Variants in NUP214 observed in about 807,000 individuals in gnomAD.
NUP214 encodes the protein nuclear pore complex protein Nup214.
In NUP214, 79 loss-of-function variants were observed where a neutral mutation model predicts 196.2. That is an observed-to-expected ratio of 0.40 (90% confidence interval 0.34 to 0.49). The LOEUF is 0.49. NUP214 is among the 20% of genes least tolerant of loss of function. NUP214 has a pLI of 0.58. For missense variants in NUP214, 2,468 were observed against 2,539.0 expected (o/e 0.97, Z 0.60); for synonymous variants, 1,020 against 990.5 (o/e 1.03, Z -0.56).
chr9:131,195,186 T>G (rs769115155), intron 27 of NUP214, 47 bp from the exon 28 acceptor site: 1 of 1,367,030 alleles, frequency 7.3e-7, no homozygotes, highest in South Asian at 1.2e-5. Context: ...AGGGCAATAT[T>G]GTGCCTTGGT....
intron 24 of NUP214, 55 bp downstream of exon 24, chr9:131,178,465 G>T: frequency 7.7e-7 from 1 of 1,303,924 alleles, no homozygotes; most frequent in Non-Finnish European, 1.1e-6. Context: ...AGTAGCGGTG[G>T]ACTGCCTGCA....
At chr9:131,141,396 T>C (rs1831910149) in intron 11 of NUP214, among the ~76,000 whole-genome samples, 1 of 151,614 alleles carries the variant, frequency 6.6e-6, no homozygotes, top group Non-Finnish European at 1.5e-5. Context: ...CTATCCTCCA[T>C]GAAAATGAAT....
chr9:131,221,958 T>A (rs1834570248), intron 31 of NUP214, among the ~76,000 whole-genome samples: 1 of 152,252 alleles, frequency 6.6e-6, no homozygotes, highest in South Asian at 2.1e-4. Flanking sequence ...CTGTCAGGTT[T>A]GCATTTCTTG....
chr9:131,126,693 G>A (rs2133436532), intron 1 of NUP214, among the ~76,000 whole-genome samples: 1 of 151,920 alleles, frequency 6.6e-6, no homozygotes, highest in African/African-American at 2.4e-5. Flanking sequence ...TATTACAGGC[G>A]CCTGCCACCA....
Position 131,187,383 on chromosome 9 carries a change from C to CTTTTT in NUP214, c.3495+36_3495+40dup, listed in dbSNP as rs528695111. On this transcript the variant is annotated intron_variant, in intron 25 of 35. Coordinates refer to ENST00000359428, the MANE Select transcript of NUP214 (RefSeq NM_005085.4). Reference sequence around the variant, plus strand: ...CAAGCAGGTAACTTACTGATTTTTACTTTTTTTTTTTTTTTTTTTTTGAGA... The same window carrying CTTTTT: ...CAAGCAGGTAACTTACTGATTTTTACTTTTTTTTTTTTTTTTTTTTTTTTTTGAGA... 315 of 1,055,854 alleles carry CTTTTT rather than the reference C, an allele frequency of 3.0e-4. No homozygotes were observed. Among genetic ancestry groups the CTTTTT allele is most frequent in the South Asian group, 8.9e-4 (54 of 60,516 alleles). The allele number at this position is 1,055,854 out of a possible 1,614,324, so 65.4% of individuals were successfully genotyped here.
Position 131,165,970 on chromosome 9 carries a change from GTTA to G in NUP214, c.2893+1832_2893+1834del, listed in dbSNP as rs564054809. 2.3e-3 allele frequency among the ~76,000 whole-genome samples: 350 copies of G among 152,248 alleles called. 4 individuals are homozygous for G. Among genetic ancestry groups the G allele is most frequent in the African/African-American group, 8.1e-3 (335 of 41,546 alleles). On this transcript the variant is annotated intron_variant, in intron 21 of 35. Transcript: ENST00000359428. Reference sequence around the variant, plus strand: ...GGACTGAGGTGGGGGGTCATGGGGAGTTATTATTTAATGGGTATAGAGTTTCAG... The same window carrying G: ...GGACTGAGGTGGGGGGTCATGGGGAGTTATTTAATGGGTATAGAGTTTCAG...
rs1457001942 is a variant in NUP214, at chr9:131,197,950, C to T, written c.4456C>T (p.Pro1486Ser). The change falls in exon 29 of 36, where the codon CCT becomes TCT. Residue 1486 changes from proline (P) to serine (S), a missense_variant. Pro to Ser is a moderately conservative substitution (Grantham distance 74). This residue lies in a region of NUP214 where 1,801 missense variants were observed against 1,779.4 expected (regional missense o/e 1.01). Transcript: ENST00000359428. The part of the protein sequence containing the change: ...LLSSATTPSL[P>S]MSAGRSTEEA... Reference sequence around the variant, plus strand: ...GAGTTCAGCAACTACCCCCTCCCTGCCTATGTCCGCTGGCAGAAGCACAGA... The same window carrying T: ...GAGTTCAGCAACTACCCCCTCCCTGTCTATGTCCGCTGGCAGAAGCACAGA... 4.3e-6 allele frequency: 7 copies of T among 1,614,122 alleles called. No individual in the cohort carries two copies. The highest frequency in any genetic ancestry group is 5.9e-6 in the Non-Finnish European group (7 of 1,180,050).
At chr9:131,138,650 A>G (rs1447156519) in intron 9 of NUP214, among the ~76,000 whole-genome samples, 1 of 152,250 alleles carries the variant, frequency 6.6e-6, no homozygotes, top group East Asian at 1.9e-4. Context: ...AACAGAGCCT[A>G]TCCAAGCACA....
chr9:131,134,381 T>C (rs1037489079), intron 7 of NUP214, among the ~76,000 whole-genome samples: 2 of 152,182 alleles, frequency 1.3e-5, no homozygotes, highest in Non-Finnish European at 2.9e-5. Context: ...GGAGGCCAAT[T>C]TGATACTTGA....
chr9:131,150,879 T>G (rs1396907299), intron 16 of NUP214, 114 bp downstream of exon 16: 2 of 1,025,658 alleles, frequency 1.9e-6, no homozygotes, highest in Non-Finnish European at 1.4e-6. Context: ...TGTTGTTGTT[T>G]TTTTAACGTG....
In NUP214 at chr9:131,233,958, C is replaced by A. The variant is rs1166666582; in HGVS notation, c.*471C>A. The A allele has an allele frequency of 3.3e-6, 1 of 307,536 alleles. No individual in the cohort carries two copies. The highest frequency in any genetic ancestry group is 2.1e-5 in the African/African-American group (1 of 47,202). 19.1% of individuals were successfully genotyped at this position (307,536 alleles called of 1,614,324 possible). A position where few individuals can be genotyped will look rare whatever the true frequency, so the allele number is the denominator to read the frequency against. On this transcript the variant is annotated 3_prime_UTR_variant, in exon 36 of 36. Transcript: ENST00000359428. Reference sequence around the variant, plus strand: ...GGCTGAAACTTGGTTATCTCCTCTCCTTGTTCTTTTAGCCATTGTGTATCA... The same window carrying A: ...GGCTGAAACTTGGTTATCTCCTCTCATTGTTCTTTTAGCCATTGTGTATCA...
chr9:131,178,771 T>G (rs1420361161), intron 24 of NUP214, among the ~76,000 whole-genome samples: 1 of 151,820 alleles, frequency 6.6e-6, no homozygotes, highest in African/African-American at 2.4e-5. Flanking sequence ...CAGACTTGAT[T>G]CTGGAAACTG....
intron 34 of NUP214, among the ~76,000 whole-genome samples, 158 bp downstream of exon 34, chr9:131,230,927 A>G (rs911658167): frequency 1.3e-5 from 2 of 152,092 alleles, no homozygotes; most frequent in Non-Finnish European, 2.9e-5. Flanking sequence ...TTGGGAGACC[A>G]AGGCAGGAGG....
intron 16 of NUP214, 70 bp from the exon 17 acceptor site, chr9:131,151,666 T>A (rs1832270208): frequency 1.6e-6 from 2 of 1,258,098 alleles, no homozygotes; most frequent in African/African-American, 3.0e-5. Context: ...AACACCACCT[T>A]CCTTGATCCA....
At chr9:131,219,875 C>T (rs975112995) in intron 31 of NUP214, among the ~76,000 whole-genome samples, 1 of 152,194 alleles carries the variant, frequency 6.6e-6, no homozygotes, top group Non-Finnish European at 1.5e-5. Context: ...GAGACCCTTT[C>T]GGAGTATGCA....
intron 8 of NUP214, among the ~76,000 whole-genome samples, chr9:131,135,541 C>T (rs1373815901): frequency 6.6e-6 from 1 of 152,194 alleles, no homozygotes; most frequent in East Asian, 1.9e-4. Flanking sequence ...CTAGTGATGA[C>T]TTACGAAAAT....
intron 17 of NUP214, among the ~76,000 whole-genome samples, chr9:131,152,197 C>T (rs1832291396): frequency 6.6e-6 from 1 of 152,168 alleles, no homozygotes. Flanking sequence ...TCACTGCAGC[C>T]TTACTTCCTG....
intron 24 of NUP214, among the ~76,000 whole-genome samples, chr9:131,179,375 G>C (rs1833203276): frequency 6.6e-6 from 1 of 152,160 alleles, no homozygotes; most frequent in Non-Finnish European, 1.5e-5. Flanking sequence ...CCCTGGGCAG[G>C]TTCGCAGAAC....
rs1832091445 is a variant in NUP214, at chr9:131,146,561, T to C, written c.1945+257T>C. On this transcript the variant is annotated intron_variant, in intron 13 of 35. Transcript: ENST00000359428. The surrounding 1 kb of genome is among the most constrained non-coding windows in gnomAD (Gnocchi z 4.6). ...TAATGAGTCAAAAATGCCTTGCTCTTGGGCATTTATTTTCATATGGAGCCT... is the reference window on the plus strand; with the variant it reads ...TAATGAGTCAAAAATGCCTTGCTCTCGGGCATTTATTTTCATATGGAGCCT... 1.3e-5 allele frequency among the ~76,000 whole-genome samples: 2 copies of C among 152,198 alleles called. No individual in the cohort carries two copies. Among genetic ancestry groups the C allele is most frequent in the Non-Finnish European group, 2.9e-5 (2 of 68,016 alleles).
Sources: gnomAD v4.1 joint callset for allele counts (sites outside exome capture counted in the v4.1 genomes callset) on GRCh38, gnomAD v4.1.1 for gene constraint, gnomAD v4.1.1 regional missense constraint, Gnocchi (gnomAD v3.1) non-coding constraint, MANE v1.5 for transcripts, NCBI Gene and HGNC (gene_info 2026-07-23, HGNC 2026-07-21) for gene names.